CEP131: variants seen among roughly 807,000 people sequenced by gnomAD.
CEP131 encodes centrosomal protein of 131 kDa.
Under a neutral mutation model 136.8 loss-of-function variants are expected in CEP131, and 99 were observed. The observed-to-expected ratio is 0.72, with a 90% CI of 0.62 to 0.86. The LOEUF is 0.86. CEP131 is among the 40% of genes least tolerant of loss of function. The pLI is 0.00. For synonymous variants in CEP131, 646 were observed against 612.7 expected (o/e 1.05, Z -0.80); for missense variants, 1,459 against 1,463.0 (o/e 1.00, Z 0.04).
Position 81,208,921 on chromosome 17 carries a change from G to A in CEP131, c.272+7C>T. The A allele has an allele frequency of 1.2e-6, 2 of 1,612,168 alleles. No individual in the cohort carries two copies. The highest frequency in any genetic ancestry group is 1.7e-5 in the Admixed American group (1 of 60,000). ...GGCCAGGGTTATCCAAGGGCCTTAG[G>A]GGTTACCTGGGGGAGCCGCTCCGAG... On this transcript the variant is annotated splice_region_variant and intron_variant, in intron 3 of 25. Transcript: ENST00000450824. This position sits in a 1 kb window ranked among gnomAD's most constrained non-coding sequence, Gnocchi z 5.6.
At chr17:81,210,031 C>T in intron 2 of CEP131, among the ~76,000 whole-genome samples, 1 of 56,532 alleles carries the variant, frequency 1.8e-5, no homozygotes, top group Non-Finnish European at 3.9e-5. Flanking sequence ...GATCAGAGCG[C>T]TCGGAGAAGC....
intron 17 of CEP131, among the ~76,000 whole-genome samples, chr17:81,194,456 C>T (rs1322889059): frequency 6.6e-6 from 1 of 152,208 alleles, no homozygotes; most frequent in East Asian, 1.9e-4. Context: ...GGGTCCGAGG[C>T]CCCTTCAGAC....
At chr17:81,191,123 C>T (rs746070992) in intron 22 of CEP131, 39 bp from the exon 23 acceptor site, 3 of 1,603,372 alleles carry the variant, frequency 1.9e-6, no homozygotes, top group Non-Finnish European at 2.6e-6. Context: ...CCAGCCCAGT[C>T]ACACACGGGT....
At chr17:81,211,319 A>G (rs565325748) in intron 2 of CEP131, among the ~76,000 whole-genome samples, 1 of 152,308 alleles carries the variant, frequency 6.6e-6, no homozygotes, top group East Asian at 1.9e-4. Context: ...GCAGGAGAGG[A>G]AGGGCCCCAT....
chr17:81,202,540 C>T, intron 6 of CEP131, 142 bp from the exon 7 acceptor site: 1 of 976,706 alleles, frequency 1.0e-6, no homozygotes, highest in Non-Finnish European at 1.5e-6. Context: ...CAGAGGGGGA[C>T]AGCGGCAGGT....
At chr17:81,218,382 G>A (rs1042458553) in intron 2 of CEP131, among the ~76,000 whole-genome samples, 1 of 152,244 alleles carries the variant, frequency 6.6e-6, no homozygotes, top group African/African-American at 2.4e-5. Flanking sequence ...CGCCCCATGT[G>A]CCATGAACCT....
intron 18 of CEP131, 43 bp downstream of exon 18, chr17:81,193,883 G>A (rs556813674): frequency 2.8e-5 from 42 of 1,521,988 alleles, no homozygotes; most frequent in Middle Eastern, 2.3e-4. Context: ...CCGACTCCCC[G>A]CCCTGAGGGT....
intron 18 of CEP131, 82 bp from the exon 19 acceptor site, chr17:81,192,925 A>G: frequency 5.9e-6 from 9 of 1,519,498 alleles, no homozygotes; most frequent in Non-Finnish European, 7.9e-6. Context: ...CGGGCCGACC[A>G]CAGGCCTGAC....
intron 19 of CEP131, 51 bp downstream of exon 19, chr17:81,192,685 G>GGGGGGGGGGGGGCCGCCC: frequency 2.1e-6 from 1 of 478,428 alleles, no homozygotes; most frequent in Non-Finnish European, 4.1e-6. Context: ...GGGGGGAGGG[G>GGGGGGGGGGGGGCCGCCC]TCAGCCAGCG....
Position 81,199,534 on chromosome 17 carries a change from G to T in CEP131, c.1039C>A (p.Arg347=), listed in dbSNP as rs764015803. ...RAAIQELQQK[R]ALRAQKASTA... is the part of the protein sequence containing the mutation. ...CTCGCCTTCTGGGCTCTCAGGGCTC[G>T]TTTCTGTTGCAGCTCCTGCAGTGGG... The change falls in exon 10 of 26, where the codon CGA becomes AGA. Residue 347 remains arginine, a synonymous_variant. Transcript: ENST00000450824. The T allele has an allele frequency of 6.2e-7, 1 of 1,606,786 alleles. No homozygotes were observed. The highest frequency in any genetic ancestry group is 1.7e-5 in the Admixed American group (1 of 59,486).
Position 81,192,318 on chromosome 17 carries a change from C to T in CEP131, c.2622G>A (p.Glu874=). The T allele has an allele frequency of 1.3e-6, 2 of 1,553,230 alleles. No individual in the cohort carries two copies. Among genetic ancestry groups the T allele is most frequent in the Non-Finnish European group, 8.7e-7 (1 of 1,149,710 alleles). Residue 874 remains glutamate, a splice_region_variant and synonymous_variant, in exon 21 of 26, where the codon GAG becomes GAA. Transcript: ENST00000450824. ...CCCACCTGGGTGCCCAGGCCCCCAC[C>T]TCCTTCCTGGTGCGGCCGGCCTCCC... is the stretch of plus-strand genomic sequence containing the variant. The part of the protein sequence containing the change: ...QAWEAGRTRK[E]EAWLLNREQE...
chr17:81,201,568 T>C (rs1161635721), intron 7 of CEP131, among the ~76,000 whole-genome samples: 5 of 152,260 alleles, frequency 3.3e-5, no homozygotes, highest in African/African-American at 4.8e-5. Context: ...TTAACAGTTT[T>C]ACTGAGGTAC....
rs2061843489 is a variant in CEP131 at position 81,199,554 on chromosome 17, A to C, written c.1024-5T>G. The C allele has an allele frequency of 6.2e-7, 1 of 1,603,574 alleles. No homozygotes were observed. The highest frequency in any genetic ancestry group is 2.2e-5 in the East Asian group (1 of 44,496). On this transcript the variant is annotated splice_region_variant and splice_polypyrimidine_tract_variant and intron_variant, in intron 9 of 25. Coordinates refer to ENST00000450824, the MANE Select transcript of CEP131 (RefSeq NM_014984.4). ...GGCTCGTTTCTGTTGCAGCTCCTGC[A>C]GTGGGAGCATCGCTGAGCACTGTCC...
At position 81,195,890 on chromosome 17, in the gene CEP131, T is replaced by C. The variant is rs764830663; in HGVS notation, c.1961A>G (p.Gln654Arg). ...KCEAVVAELKQEDQRCTERVA... is the reference protein window; with the variant it reads ...KCEAVVAELKREDQRCTERVA... ...ACGCTCGGTGCATCTCTGGTCCTCC[T>C]GCTTCAGCTCGGCCACCACAGCCTC... is the stretch of plus-strand genomic sequence containing the variant. Residue 654 changes from glutamine (Q) to arginine (R), a missense_variant, in exon 16 of 26, where the codon CAG becomes CGG. Around this residue, in one of 3 missense-constraint regions of CEP131, gnomAD observed 1,026 missense variants for 964.2 expected, o/e 1.06. Transcript: ENST00000450824. 25 of 1,609,526 alleles carry C rather than the reference T, an allele frequency of 1.6e-5. No homozygotes were observed. Among genetic ancestry groups the C allele is most frequent in the Non-Finnish European group, 2.0e-5 (24 of 1,179,932 alleles).
rs1001244807 is a variant in CEP131, at chr17:81,203,147, C to A, written c.629+347G>T. On this transcript the variant is annotated intron_variant, in intron 6 of 25. Transcript: ENST00000450824. This position sits in a 1 kb window ranked among gnomAD's most constrained non-coding sequence, Gnocchi z 4.6. ...TGACGCCTTCTGGGCTCTGCACAAG[C>A]CTTGGCTTCCTCCTGGGGGCCCCAC... 6.6e-6 allele frequency among the ~76,000 whole-genome samples: 1 copy of A among 152,144 alleles called. No individual in the cohort carries two copies. The highest frequency in any genetic ancestry group is 2.4e-5 in the African/African-American group (1 of 41,420).
chr17:81,195,014 C>G, intron 16 of CEP131, 42 bp from the exon 17 acceptor site: 1 of 1,510,074 alleles, frequency 6.6e-7, no homozygotes, highest in Non-Finnish European at 9.1e-7. Context: ...ACGAAGGACA[C>G]CCCCGTCCCT....
chr17:81,194,229 G>A (rs915166628), intron 17 of CEP131, 102 bp from the exon 18 acceptor site: 52 of 1,115,002 alleles, frequency 4.7e-5, no homozygotes, highest in Non-Finnish European at 6.1e-5. Context: ...AGGGGACCCC[G>A]CCCACCCAGG....
chr17:81,212,915 G>A (rs1310230857), intron 2 of CEP131, among the ~76,000 whole-genome samples: 7 of 152,204 alleles, frequency 4.6e-5, no homozygotes, highest in African/African-American at 7.2e-5. Context: ...TCTGTTGGCT[G>A]AGAAGACCAG....
At chr17:81,213,511 A>C (rs1055027562) in intron 2 of CEP131, among the ~76,000 whole-genome samples, 2 of 151,742 alleles carry the variant, frequency 1.3e-5, no homozygotes, top group African/African-American at 4.9e-5. Context: ...GTGAGCCAAG[A>C]TTATGCCACT....
Sources: gnomAD v4.1 joint callset for allele counts (sites outside exome capture counted in the v4.1 genomes callset) on GRCh38, gnomAD v4.1.1 for gene constraint, gnomAD v4.1.1 regional missense constraint, Gnocchi (gnomAD v3.1) non-coding constraint, MANE v1.5 for transcripts, NCBI Gene and HGNC (gene_info 2026-07-23, HGNC 2026-07-21) for gene names.